The following DERA variants were observed in gnomAD, a reference collection of about 807,000 sequenced individuals.
The protein encoded by DERA is 2-deoxy-D-ribose 5-phosphate aldolase.
Under a neutral mutation model 41.1 loss-of-function variants are expected in DERA, and 15 were observed. The ratio of observed to expected loss-of-function variants is 0.37; its 90% CI spans 0.24 to 0.56. The LOEUF is 0.56. Ranked by LOEUF, DERA falls within the 20% of genes least tolerant of loss-of-function variation. DERA has a pLI of 0.81. For missense variants in DERA, 396 were observed against 403.4 expected, an observed-to-expected ratio of 0.98 and a Z score of 0.16; for synonymous variants, 139 against 137.4, an observed-to-expected ratio of 1.01 and a Z score of -0.08.
rs1051323828 is a variant in DERA at position 15,976,781 on chromosome 12, T to C, written c.509-5527T>C. ...TTGAGAAGGGTTTGAGCTGTAAAAA[T>C]AAAGCTCTCCTATCTAATCTTGAGG... On this transcript the variant is annotated intron_variant, in intron 5 of 8. Transcript: ENST00000428559. This position sits in a 1 kb window ranked among gnomAD's most constrained non-coding sequence, Gnocchi z 4.1. Among the ~76,000 whole-genome samples the C allele has an allele frequency of 6.6e-6, 1 of 152,134 alleles. No homozygotes were observed. Among genetic ancestry groups the C allele is most frequent in the African/African-American group, 2.4e-5 (1 of 41,426 alleles).
rs996689275 is a variant in DERA at position 16,021,508 on chromosome 12, G to A, written c.638-11034G>A. On this transcript the variant is annotated intron_variant, in intron 6 of 8. Transcript: ENST00000428559. This position sits in a 1 kb window ranked among gnomAD's most constrained non-coding sequence, Gnocchi z 5.3. ...GCAGTGCTGAAGGGAAATGTAGGGT[G>A]GAGCCCACACAGAGTCTCCACTGCA... Among the ~76,000 whole-genome samples the A allele has an allele frequency of 6.6e-6, 1 of 152,248 alleles. No individual in the cohort carries two copies. The highest frequency in any genetic ancestry group is 2.4e-5 in the African/African-American group (1 of 41,462).
chr12:15,956,469 A>C (rs1948539468), intron 1 of DERA: 1 of 308,894 alleles, frequency 3.2e-6, no homozygotes, highest in African/African-American at 2.2e-5. Context: ...AGTAGGTATT[A>C]ATCTTGCCAG....
chr12:15,956,986 C>G lies in DERA; in HGVS notation c.82C>G (p.Arg28Gly). The G allele has an allele frequency of 6.2e-7, 1 of 1,613,868 alleles. No homozygotes were observed. The highest frequency in any genetic ancestry group is 8.5e-7 in the Non-Finnish European group (1 of 1,179,828). ...AGTGAATCACCCGGCAGTTCTGAGG[C>G]GTGCGGAACAAATCCAGGCTCGCAG... ...IQVNHPAVLR[R>G]AEQIQARRTV... Residue 28 changes from arginine to glycine, a missense_variant, in exon 2 of 9, where the codon CGT becomes GGT. Arg to Gly is a moderately radical substitution (Grantham distance 125). Coordinates refer to ENST00000428559, the MANE Select transcript of DERA (RefSeq NM_015954.4).
At chr12:15,991,079 G>T (rs1415719209) in intron 6 of DERA, among the ~76,000 whole-genome samples, 1 of 152,116 alleles carries the variant, frequency 6.6e-6, no homozygotes, top group African/African-American at 2.4e-5. Flanking sequence ...CACCAACAGT[G>T]TAAAATAGGT....
In DERA at chr12:16,017,669, T is replaced by C. The variant is rs1948991874; in HGVS notation, c.638-14873T>C. On this transcript the variant is annotated intron_variant, in intron 6 of 8. Coordinates refer to ENST00000428559, the MANE Select transcript of DERA (RefSeq NM_015954.4). The surrounding 1 kb of genome is among the most constrained non-coding windows in gnomAD (Gnocchi z 5.5). ...CAAAAGAATACAATATTGAAGACTT[T>C]TAATTTGAGGGCTTATATCTTTGCA... Among the ~76,000 whole-genome samples the C allele has an allele frequency of 6.6e-6, 1 of 152,366 alleles. No homozygotes were observed. Among genetic ancestry groups the C allele is most frequent in the South Asian group, 2.1e-4 (1 of 4,828 alleles).
chr12:15,923,526 T>C (rs1023965922), intron 1 of DERA, among the ~76,000 whole-genome samples: 5 of 152,170 alleles, frequency 3.3e-5, no homozygotes, highest in African/African-American at 1.2e-4. Context: ...ATTCCAGTGA[T>C]CAGTTTACAT....
rs1948862032 is a variant in DERA at position 15,999,727 on chromosome 12, A to C, written c.637+17291A>C. ...AAGTTTCGTGTTTGGGGGTACAGGA[A>C]ATTTTTAGCCTGAGGAATGAATGAT... On this transcript the variant is annotated intron_variant, in intron 6 of 8. Coordinates refer to ENST00000428559, the MANE Select transcript of DERA (RefSeq NM_015954.4). The surrounding 1 kb of genome is among the most constrained non-coding windows in gnomAD (Gnocchi z 5.3). Among the ~76,000 whole-genome samples the C allele has an allele frequency of 2.0e-5, 3 of 152,138 alleles. No homozygotes were observed. The South Asian group carries it at 6.2e-4, about 32-fold the overall frequency.
At position 15,935,221 on chromosome 12, in the gene DERA, T is replaced by C. The variant is rs1948356197; in HGVS notation, c.32-21715T>C. Among the ~76,000 whole-genome samples, 2 of 152,238 alleles carry C rather than the reference T, an allele frequency of 1.3e-5. No homozygotes were observed. The highest frequency in any genetic ancestry group is 4.8e-5 in the African/African-American group (2 of 41,454). ...TAATTTTTTGGCTGAGTATGGTGGC[T>C]CATGCCTGTAATCTCAGCACTTTGG... On this transcript the variant is annotated intron_variant, in intron 1 of 8. Coordinates refer to ENST00000428559, the MANE Select transcript of DERA (RefSeq NM_015954.4). The surrounding 1 kb of genome is among the most constrained non-coding windows in gnomAD (Gnocchi z 4.8).
At chr12:15,923,280 CCAAAGTG>C (rs1351082121) in intron 1 of DERA, among the ~76,000 whole-genome samples, 1 of 151,984 alleles carries the variant, frequency 6.6e-6, no homozygotes, top group Non-Finnish European at 1.5e-5. Flanking sequence ...CCTCGGCCTC[CCAAAGTG>C]CTGGGATTAC....
intron 1 of DERA, among the ~76,000 whole-genome samples, chr12:15,916,992 C>T (rs1054234623): frequency 1.3e-5 from 2 of 151,950 alleles, no homozygotes; most frequent in Admixed American, 6.6e-5. Flanking sequence ...ACTTTTTTGT[C>T]CCGAATTTCT....
At chr12:15,947,002 G>T (rs1443909104) in intron 1 of DERA, among the ~76,000 whole-genome samples, 2 of 152,200 alleles carry the variant, frequency 1.3e-5, no homozygotes, top group East Asian at 3.8e-4. Flanking sequence ...TTATTCAGGA[G>T]CAGGTTGTTC....
rs1208447369 is a variant in DERA, at chr12:16,014,990, G to A, written c.638-17552G>A. 6.6e-6 allele frequency among the ~76,000 whole-genome samples: 1 copy of A among 152,068 alleles called. No homozygotes were observed. The highest frequency in any genetic ancestry group is 1.5e-5 in the Non-Finnish European group (1 of 68,004). On this transcript the variant is annotated intron_variant, in intron 6 of 8. Coordinates refer to ENST00000428559, the MANE Select transcript of DERA (RefSeq NM_015954.4). This position sits in a 1 kb window ranked among gnomAD's most constrained non-coding sequence, Gnocchi z 5.4. The stretch of plus-strand genomic sequence containing the variant: ...TGGGGCCTGTAGCCACTTCATTTTG[G>A]CCAATTTCTCCCATTTAGAACAATT...
At chr12:15,927,603 C>T (rs1948296599) in intron 1 of DERA, among the ~76,000 whole-genome samples, 1 of 152,108 alleles carries the variant, frequency 6.6e-6, no homozygotes, top group Non-Finnish European at 1.5e-5. Context: ...TAAGTTCATA[C>T]AAACTTTTCA....
At position 15,926,532 on chromosome 12, in the gene DERA, C is replaced by T. The variant is rs561764195; in HGVS notation, c.31+15118C>T. Among the ~76,000 whole-genome samples, 221 of 151,852 alleles carry T rather than the reference C, an allele frequency of 1.5e-3. 1 individual carries two copies. Among genetic ancestry groups the T allele is most frequent in the African/African-American group, 4.9e-3 (202 of 41,436 alleles). On this transcript the variant is annotated intron_variant, in intron 1 of 8. Transcript: ENST00000428559. ...CGGGCGGATCACGAGATGAGGAGATCGAGACCATCCTGGCTAACACGGTGA... is the reference window on the plus strand; with the variant it reads ...CGGGCGGATCACGAGATGAGGAGATTGAGACCATCCTGGCTAACACGGTGA...
Position 15,916,770 on chromosome 12 carries a change from A to G in DERA, c.31+5356A>G, listed in dbSNP as rs542039913. Among the ~76,000 whole-genome samples, 5 of 152,158 alleles carry G rather than the reference A, an allele frequency of 3.3e-5. No homozygotes were observed. The South Asian group carries it at 1.0e-3, about 32-fold the overall frequency. ...CTGGCACAATCCTGTTTCTTGATGTATTCTTTTAAAAAATGTTTAAAATAA... is the reference window on the plus strand; with the variant it reads ...CTGGCACAATCCTGTTTCTTGATGTGTTCTTTTAAAAAATGTTTAAAATAA... On this transcript the variant is annotated intron_variant, in intron 1 of 8. Transcript: ENST00000428559.
intron 4 of DERA, among the ~76,000 whole-genome samples, chr12:15,961,804 C>T (rs1449868607): frequency 1.3e-5 from 2 of 152,132 alleles, no homozygotes; most frequent in South Asian, 2.1e-4. Context: ...AGTGCAGTGG[C>T]GCGATCTCGG....
chr12:15,961,774 C>T (rs1320422143), intron 4 of DERA, among the ~76,000 whole-genome samples: 5 of 152,146 alleles, frequency 3.3e-5, no homozygotes, highest in African/African-American at 7.2e-5. Context: ...GACAGAGTCT[C>T]GCTCTATCAC....
At position 16,035,272 on chromosome 12, in the gene DERA, A is replaced by C. The variant is rs1332308147; in HGVS notation, c.751-960A>C. ...TTCCTGCTTGGGTTGATAATAGAAT[A>C]TATTCATTTAATGTCTCCCTTCTCT... On this transcript the variant is annotated intron_variant, in intron 7 of 8. Transcript: ENST00000428559. The surrounding 1 kb of genome is among the most constrained non-coding windows in gnomAD (Gnocchi z 4.1). 6.6e-6 allele frequency among the ~76,000 whole-genome samples: 1 copy of C among 152,092 alleles called. No homozygotes were observed. The highest frequency in any genetic ancestry group is 1.5e-5 in the Non-Finnish European group (1 of 68,020).
chr12:15,942,771 G>A (rs973271065), intron 1 of DERA, among the ~76,000 whole-genome samples: 13 of 152,282 alleles, frequency 8.5e-5, no homozygotes, highest in Admixed American at 6.5e-4. Flanking sequence ...TCACTGCACC[G>A]GGCTCTCACG....
Sources: gnomAD v4.1 joint callset for allele counts (sites outside exome capture counted in the v4.1 genomes callset) on GRCh38, gnomAD v4.1.1 for gene constraint, Gnocchi (gnomAD v3.1) non-coding constraint, MANE v1.5 for transcripts, NCBI Gene and HGNC (gene_info 2026-07-23, HGNC 2026-07-21) for gene names.